BAZ2B: variants seen among roughly 807,000 people sequenced by gnomAD.
BAZ2B encodes the protein bromodomain adjacent to zinc finger domain protein 2B.
In BAZ2B, 91 loss-of-function variants were observed where a neutral mutation model predicts 246.0. That is an observed-to-expected ratio of 0.37 (90% CI 0.31 to 0.44). The LOEUF is 0.44. Ranked by LOEUF, BAZ2B falls within the 20% of genes least tolerant of loss-of-function variation. The probability of loss-of-function intolerance (pLI) is 1.00; values close to 1 mark genes in which losing one functional copy is unlikely to be tolerated. For missense variants in BAZ2B, 2,332 were observed against 2,533.7 expected (o/e 0.92, Z 1.71); for synonymous variants, 855 against 860.0 (o/e 0.99, Z 0.10).
chr2:159,523,710 A>C (rs778519903), intron 2 of BAZ2B, among the ~76,000 whole-genome samples: 5 of 152,280 alleles, frequency 3.3e-5, no homozygotes, highest in African/African-American at 9.6e-5. Flanking sequence ...AAAAAAGAAA[A>C]AGAAACAGAA....
chr2:159,430,538 G>A (rs1019513066), intron 10 of BAZ2B, among the ~76,000 whole-genome samples: 2 of 152,148 alleles, frequency 1.3e-5, no homozygotes, highest in Middle Eastern at 3.2e-3. Flanking sequence ...TAAATCCTGC[G>A]TTGTTCAAGG....
chr2:159,519,262 G>C (rs1441136723), intron 2 of BAZ2B, among the ~76,000 whole-genome samples: 1 of 106,240 alleles, frequency 9.4e-6, no homozygotes, highest in Non-Finnish European at 1.8e-5. Flanking sequence ...TCGCTCTGTC[G>C]CCCAGGCCGG....
chr2:159,564,824 G>A (rs368800204), intron 1 of BAZ2B, among the ~76,000 whole-genome samples: 115 of 152,250 alleles, frequency 7.6e-4, no homozygotes, highest in East Asian at 3.7e-3. Flanking sequence ...AAATGCTGCC[G>A]GGAAAACAAC....
intron 27 of BAZ2B, among the ~76,000 whole-genome samples, chr2:159,366,034 A>G (rs1244817127): frequency 6.6e-6 from 1 of 152,202 alleles, no homozygotes; most frequent in African/African-American, 2.4e-5. Context: ...CTACTCCCAG[A>G]TAACACCATG....
At chr2:159,503,738 C>A (rs924254313) in intron 2 of BAZ2B, among the ~76,000 whole-genome samples, 1 of 152,060 alleles carries the variant, frequency 6.6e-6, no homozygotes, top group Admixed American at 6.6e-5. Flanking sequence ...TCCCACCACG[C>A]CCGGCTAATT....
intron 34 of BAZ2B, among the ~76,000 whole-genome samples, chr2:159,331,956 G>T (rs777354101): frequency 1.9e-4 from 29 of 152,274 alleles, no homozygotes; most frequent in Non-Finnish European, 3.2e-4. Context: ...TGTTGGAGTT[G>T]AAGTGCTACA....
chr2:159,447,042 G>T, intron 5 of BAZ2B, 67 bp from the exon 6 acceptor site: 2 of 1,170,306 alleles, frequency 1.7e-6, no homozygotes, highest in Non-Finnish European at 2.3e-6. Flanking sequence ...ATGAAGTACA[G>T]ATATATGTAC....
chr2:159,358,930 C>T (rs555670666), intron 27 of BAZ2B, among the ~76,000 whole-genome samples: 16 of 152,196 alleles, frequency 1.1e-4, no homozygotes, highest in South Asian at 2.1e-4. Context: ...AAAGACACAA[C>T]GTACCAGAAT....
Position 159,385,305 on chromosome 2 carries a change from A to G in BAZ2B, c.3536T>C (p.Ile1179Thr), listed in dbSNP as rs755251386. The change falls in exon 23 of 37, where the codon ATT becomes ACT. Residue 1179 changes from isoleucine (I) to threonine (T), a missense_variant. Around this residue, in one of 9 missense-constraint regions of BAZ2B, gnomAD observed 328 missense variants for 410.4 expected, o/e 0.80. Coordinates refer to ENST00000392783, the MANE Select transcript of BAZ2B (RefSeq NM_013450.4). ...VGVNRDNVSE[I>T]LQIFMEAHCG... ...GTGGGCTTCCATAAATATCTGTAAA[A>G]TCTCGGAAACATTGTCTCGATTCAC... 27 of 1,613,304 alleles carry G rather than the reference A, an allele frequency of 1.7e-5. No homozygotes were observed. Among genetic ancestry groups the G allele is most frequent in the Non-Finnish European group, 2.2e-5 (26 of 1,179,634 alleles).
the BAZ2B span, among the ~76,000 whole-genome samples, chr2:159,679,271 CAAA>C: frequency 1.6e-5 from 1 of 64,466 alleles, no homozygotes; most frequent in Admixed American, 2.1e-4. Flanking sequence ...GACTTCATCT[CAAA>C]AAAAAAAAAA....
chr2:159,453,585 T>C (rs1455433522), intron 4 of BAZ2B, 28 bp downstream of exon 4: 1 of 1,557,408 alleles, frequency 6.4e-7, no homozygotes, highest in Non-Finnish European at 8.7e-7. Context: ...CCTCCTTCCC[T>C]TGAACACTGT....
intron 2 of BAZ2B, among the ~76,000 whole-genome samples, chr2:159,490,664 A>G (rs2080354336): frequency 6.6e-6 from 1 of 151,732 alleles, no homozygotes; most frequent in African/African-American, 2.4e-5. Flanking sequence ...AGGAGACCAC[A>G]GGCTCATGCC....
At chr2:159,316,689 CAAAAAAA>C (rs765748671), downstream of BAZ2B, among the ~76,000 whole-genome samples, 24 of 36,244 alleles carry the variant, frequency 6.6e-4, no homozygotes, top group African/African-American at 1.3e-3. Context: ...GACTCCATCT[CAAAAAAA>C]AAAAAAAAAA....
chr2:159,328,190 T>C (rs2064055833), intron 34 of BAZ2B, among the ~76,000 whole-genome samples: 1 of 151,916 alleles, frequency 6.6e-6, no homozygotes, highest in South Asian at 2.1e-4. Context: ...ATAGTGCACC[T>C]ACACATACTT....
At chr2:159,369,258 G>A (rs979007828) in intron 27 of BAZ2B, among the ~76,000 whole-genome samples, 9 of 152,136 alleles carry the variant, frequency 5.9e-5, no homozygotes, top group African/African-American at 2.2e-4. Flanking sequence ...ACAAGATTTG[G>A]CAAAGATGCA....
intron 2 of BAZ2B, among the ~76,000 whole-genome samples, chr2:159,544,886 T>C (rs968901532): frequency 6.6e-6 from 1 of 152,184 alleles, no homozygotes; most frequent in African/African-American, 2.4e-5. Flanking sequence ...TTTATGTAGA[T>C]AGGGACAAGG....
chr2:159,601,040 GA>G (rs1381323183), intron 1 of BAZ2B, among the ~76,000 whole-genome samples: 5 of 152,194 alleles, frequency 3.3e-5, no homozygotes, highest in Admixed American at 3.3e-4. Flanking sequence ...CTAAAGCAGG[GA>G]AACTGCTAAA....
chr2:159,583,227 G>A (rs1687263275), intron 1 of BAZ2B, among the ~76,000 whole-genome samples: 1 of 150,440 alleles, frequency 6.6e-6, no homozygotes, highest in Non-Finnish European at 1.5e-5. Flanking sequence ...TGATTCTTCT[G>A]CCTAAGCCTC....
intron 2 of BAZ2B, among the ~76,000 whole-genome samples, chr2:159,502,469 A>G (rs1402030361): frequency 6.0e-5 from 2 of 33,584 alleles, no homozygotes; most frequent in Non-Finnish European, 1.7e-4. Flanking sequence ...TCAAAAAGGA[A>G]AAAAAAAAAA....
Sources: allele counts gnomAD v4.1 joint callset (sites outside exome capture counted in the v4.1 genomes callset), GRCh38; gene constraint gnomAD v4.1.1; regional missense constraint gnomAD v4.1.1; transcripts MANE v1.5; gene names NCBI Gene and HGNC (gene_info 2026-07-23, HGNC 2026-07-21).